The following PCDH9 variants were observed in gnomAD, a reference collection of about 807,000 sequenced individuals.
The protein encoded by PCDH9 is protocadherin-9.
Under a neutral mutation model 70.6 loss-of-function variants are expected in PCDH9, and 24 were observed. The observed-to-expected ratio is 0.34, with a 90% CI of 0.25 to 0.48. PCDH9 has a LOEUF of 0.48. Ranked by LOEUF, PCDH9 falls within the 20% of genes least tolerant of loss-of-function variation. The probability of loss-of-function intolerance (pLI) is 0.99; values close to 1 mark genes in which losing one functional copy is unlikely to be tolerated. For synonymous variants in PCDH9, 562 were observed against 558.5 expected, an observed-to-expected ratio of 1.01 and a Z score of -0.09; for missense variants, 1,281 against 1,503.6, an observed-to-expected ratio of 0.85 and a Z score of 2.45.
chr13:66,934,197 A>C (rs74093663), intron 2 of PCDH9, among the ~76,000 whole-genome samples: 11 of 152,086 alleles, frequency 7.2e-5, no homozygotes, highest in Non-Finnish European at 1.5e-4. Flanking sequence ...TAAGTTGATT[A>C]TTATTCAAAC....
chr13:66,755,475 T>C (rs1036384830), intron 3 of PCDH9, among the ~76,000 whole-genome samples: 9 of 152,188 alleles, frequency 5.9e-5, no homozygotes, highest in African/African-American at 2.2e-4. Flanking sequence ...ATTAAATTCA[T>C]TATCTTTCCA....
intron 3 of PCDH9, among the ~76,000 whole-genome samples, chr13:66,857,978 C>T (rs2081422010): frequency 6.6e-6 from 1 of 152,094 alleles, no homozygotes. Context: ...CGCCTAATAA[C>T]CCAGGAAGCA....
chr13:67,085,890 C>A (rs889822033), intron 2 of PCDH9, among the ~76,000 whole-genome samples: 1 of 152,072 alleles, frequency 6.6e-6, no homozygotes, highest in African/African-American at 2.4e-5. Flanking sequence ...TTTATACATG[C>A]GAATAGGTAA....
At chr13:66,524,759 A>T (rs114125319) in intron 4 of PCDH9, among the ~76,000 whole-genome samples, 2,383 of 152,192 alleles carry the variant, frequency 0.016, 54 homozygotes, top group African/African-American at 0.053. Context: ...TAGCAAAGCC[A>T]ACACAAGCCA....
At chr13:66,977,938 T>C (rs915491667) in intron 2 of PCDH9, among the ~76,000 whole-genome samples, 1 of 152,148 alleles carries the variant, frequency 6.6e-6, no homozygotes, top group African/African-American at 2.4e-5. Context: ...AGGAAGCACA[T>C]AATGCAGACA....
chr13:66,635,148 A>G (rs2077621001), intron 3 of PCDH9, among the ~76,000 whole-genome samples: 1 of 152,192 alleles, frequency 6.6e-6, no homozygotes, highest in Non-Finnish European at 1.5e-5. Context: ...CACATATTAC[A>G]GTGAGACTCC....
chr13:66,430,569 G>T (rs1462465088), intron 4 of PCDH9, among the ~76,000 whole-genome samples: 1 of 151,950 alleles, frequency 6.6e-6, no homozygotes, highest in Non-Finnish European at 1.5e-5. Flanking sequence ...CCAGGTGTTG[G>T]CCCTGTGTTA....
chr13:66,648,735 G>C (rs749646483), intron 3 of PCDH9, among the ~76,000 whole-genome samples: 10 of 151,988 alleles, frequency 6.6e-5, no homozygotes, highest in African/African-American at 9.6e-5. Flanking sequence ...ACTAAAAAAG[G>C]CATCAAGGAT....
chr13:66,767,471 A>C (rs1351125377), intron 3 of PCDH9, among the ~76,000 whole-genome samples: 3 of 152,086 alleles, frequency 2.0e-5, no homozygotes, highest in Admixed American at 1.3e-4. Context: ...AAGATTAGTA[A>C]CTGGGGACTC....
chr13:66,526,125 G>T (rs886491385), intron 4 of PCDH9, among the ~76,000 whole-genome samples: 3 of 152,094 alleles, frequency 2.0e-5, no homozygotes, highest in African/African-American at 7.2e-5. Flanking sequence ...TATTAGTTTT[G>T]TGTGTAAAAC....
chr13:66,927,627 G>T (rs370145847), intron 2 of PCDH9, among the ~76,000 whole-genome samples: 4 of 152,022 alleles, frequency 2.6e-5, no homozygotes, highest in Admixed American at 2.6e-4. Context: ...TATAGACAGG[G>T]TTAGATTCTT....
chr13:66,934,739 G>A (rs1325856573), intron 2 of PCDH9, among the ~76,000 whole-genome samples: 1 of 40,166 alleles, frequency 2.5e-5, no homozygotes, highest in African/African-American at 9.5e-5. Context: ...TTTTTTTTTT[G>A]AGACGGAGTC....
chr13:66,398,015 T>A (rs1299851852), intron 4 of PCDH9, among the ~76,000 whole-genome samples: 1 of 152,092 alleles, frequency 6.6e-6, no homozygotes, highest in Non-Finnish European at 1.5e-5. Context: ...AATTCAGAAC[T>A]GAAAAATGTT....
intron 4 of PCDH9, among the ~76,000 whole-genome samples, chr13:66,348,675 A>AT (rs59340641): frequency 0.42 from 56,771 of 134,600 alleles, 12,609 homozygotes; most frequent in African/African-American, 0.49. Flanking sequence ...GCTATTTGCC[A>AT]TTTTTTTTTT....
At chr13:66,674,357 A>C (rs1387804002) in intron 3 of PCDH9, among the ~76,000 whole-genome samples, 1 of 152,118 alleles carries the variant, frequency 6.6e-6, no homozygotes, top group Admixed American at 6.6e-5. Flanking sequence ...TATAAACTGA[A>C]AAGAACAATT....
At chr13:66,361,563 G>C (rs1441050836) in intron 4 of PCDH9, among the ~76,000 whole-genome samples, 1 of 151,918 alleles carries the variant, frequency 6.6e-6, no homozygotes, top group Non-Finnish European at 1.5e-5. Context: ...TATCTCAGGT[G>C]TCAGAAAATT....
At chr13:66,922,379 A>C (rs2082650686) in intron 2 of PCDH9, among the ~76,000 whole-genome samples, 1 of 151,290 alleles carries the variant, frequency 6.6e-6, no homozygotes, top group Non-Finnish European at 1.5e-5. Context: ...TTTTATGCAA[A>C]CTTTCCCTTC....
chr13:66,982,224 G>A (rs983580639), intron 2 of PCDH9, among the ~76,000 whole-genome samples: 8 of 152,176 alleles, frequency 5.3e-5, no homozygotes, highest in East Asian at 1.9e-4. Context: ...GAAACCGAGC[G>A]ATGTCAGCCC....
At chr13:67,065,974 G>T (rs535199047) in intron 2 of PCDH9, among the ~76,000 whole-genome samples, 308 of 152,238 alleles carry the variant, frequency 2.0e-3, no homozygotes, top group Non-Finnish European at 3.6e-3. Flanking sequence ...TACAGTGCTA[G>T]TAAAAGTAAA....
Sources: allele counts gnomAD v4.1 joint callset (sites outside exome capture counted in the v4.1 genomes callset), GRCh38; gene constraint gnomAD v4.1.1; transcripts MANE v1.5; gene names NCBI Gene and HGNC (gene_info 2026-07-23, HGNC 2026-07-21).